RBM39: variants seen among roughly 807,000 people sequenced by gnomAD.
The protein encoded by RBM39 is RNA binding motif protein 39.
A neutral mutation model predicts 79.6 loss-of-function variants in RBM39; 12 were observed. The ratio of observed to expected loss-of-function variants is 0.15; its 90% CI spans 0.10 to 0.24. The LOEUF is 0.24. Ranked by LOEUF, RBM39 falls within the 10% of genes least tolerant of loss-of-function variation. RBM39 has a pLI of 1.00. For synonymous variants in RBM39, 185 were observed against 208.4 expected, an observed-to-expected ratio of 0.89 and a Z score of 0.97; for missense variants, 243 against 653.4, an observed-to-expected ratio of 0.37 and a Z score of 6.85.
chr20:35,737,722 G>A (rs111682435), intron 3 of RBM39, among the ~76,000 whole-genome samples: 10,595 of 149,728 alleles, frequency 0.071, 482 homozygotes, highest in South Asian at 0.18. Flanking sequence ...GGTGGCAGGC[G>A]CCTGTAGTCC....
At position 35,721,616 on chromosome 20, in the gene RBM39, A is replaced by C; in HGVS notation, c.825+124T>G. On this transcript the variant is annotated intron_variant, in intron 9 of 16. Transcript: ENST00000253363. ...TCTATGTTGTCACAGAAATTTTTAT[A>C]AAACCAGCCCTTATCCTCTTAATAT... 3 of 1,142,016 alleles carry C rather than the reference A, an allele frequency of 2.6e-6. No individual in the cohort carries two copies. The South Asian group carries it at 5.2e-5, about 20-fold the overall frequency. 70.7% of individuals were successfully genotyped at this position (1,142,016 alleles called of 1,614,324 possible). A position where few individuals can be genotyped will look rare whatever the true frequency, so the allele number is the denominator to read the frequency against.
Position 35,704,318 on chromosome 20 carries a change from A to G in RBM39, c.*163T>C. The stretch of plus-strand genomic sequence containing the variant: ...GATTTACTATTTAGGGAGAATGAGC[A>G]CACTGCATTCCTGTTAACATTTTTA... On this transcript the variant is annotated 3_prime_UTR_variant, in exon 17 of 17. Coordinates refer to ENST00000253363, the MANE Select transcript of RBM39 (RefSeq NM_184234.3). The G allele has an allele frequency of 1.8e-6, 1 of 547,916 alleles. No individual in the cohort carries two copies. Among genetic ancestry groups the G allele is most frequent in the East Asian group, 3.1e-5 (1 of 32,278 alleles). 33.9% of individuals were successfully genotyped at this position (547,916 alleles called of 1,614,324 possible). A position where few individuals can be genotyped will look rare whatever the true frequency, so the allele number is the denominator to read the frequency against.
In RBM39 at chr20:35,707,162, G is replaced by T; in HGVS notation, c.1265C>A (p.Ala422Glu). The T allele has an allele frequency of 6.2e-7, 1 of 1,608,230 alleles. No homozygotes were observed. Among genetic ancestry groups the T allele is most frequent in the Admixed American group, 1.7e-5 (1 of 59,614 alleles). Residue 422 changes from alanine to glutamate, a missense_variant, in exon 14 of 17, where the codon GCA becomes GAA. Ala to Glu is a moderately radical substitution (Grantham distance 107, BLOSUM62 -1). Around this residue, in one of 4 missense-constraint regions of RBM39, gnomAD observed 19 missense variants for 16.1 expected, o/e 1.18. Transcript: ENST00000253363. ...GTTAGAGAGTTGGAAACATTGTGTT[G>T]CAAGTGGCTGAACAGAGGCAGCTGC... The part of the protein sequence containing the change: ...LAAAASVQPL[A>E]TQCFQLSNMF...
At chr20:35,715,374 C>T (rs528038744) in intron 10 of RBM39, among the ~76,000 whole-genome samples, 71 of 152,222 alleles carry the variant, frequency 4.7e-4, no homozygotes, top group African/African-American at 1.6e-3. Context: ...CAAGGTTGCA[C>T]CATGTTGGCC....
At chr20:35,727,611 G>T (rs1569047089) in intron 6 of RBM39, among the ~76,000 whole-genome samples, 1 of 151,458 alleles carries the variant, frequency 6.6e-6, no homozygotes. Context: ...AAGTAGCTGG[G>T]ACTACAGGTG....
At chr20:35,741,312 G>A (rs1163128710) in intron 1 of RBM39, 1 of 154,266 alleles carries the variant, frequency 6.5e-6, no homozygotes, top group African/African-American at 2.4e-5. Context: ...GGGATTACAG[G>A]CGTGAGCCAC....
Position 35,740,890 on chromosome 20 carries a change from AG to A in RBM39, c.-13-4del. 6.2e-7 allele frequency: 1 copy of A among 1,603,546 alleles called. No individual in the cohort carries two copies. Among genetic ancestry groups the A allele is most frequent in the East Asian group, 2.2e-5 (1 of 44,784 alleles). On this transcript the variant is annotated splice_region_variant and splice_polypyrimidine_tract_variant and intron_variant, in intron 1 of 16. Coordinates refer to ENST00000253363, the MANE Select transcript of RBM39 (RefSeq NM_184234.3). ...CGTCTGCCATTTTCTCTAAACGCCT[AG>A]GAAGAGAACAAGACAATTTCTTGAG...
At position 35,702,103 on chromosome 20, in the gene RBM39, A is replaced by T. The variant is rs2035310748; in HGVS notation, c.*2378T>A. On this transcript the variant is annotated 3_prime_UTR_variant, in exon 17 of 17. Transcript: ENST00000253363. ...AGCTTCTGTAATGAGGCAGTTGTCC[A>T]TCTCACCTGCCCAGGCCACGCAGAC... The T allele has an allele frequency of 6.6e-6, 1 of 152,160 alleles. No homozygotes were observed. Among genetic ancestry groups the T allele is most frequent in the African/African-American group, 2.4e-5 (1 of 41,432 alleles). The allele number at this position is 152,160 out of a possible 1,614,324, so 9.4% of individuals were successfully genotyped here.
At chr20:35,708,661 G>A (rs1333342543) in intron 13 of RBM39, 1 of 152,260 alleles carries the variant, frequency 6.6e-6, no homozygotes, top group Non-Finnish European at 1.5e-5. Flanking sequence ...TCAAGCAACA[G>A]AGATTTAGTG....
chr20:35,729,565 T>C (rs2039140461), intron 4 of RBM39, 38 bp from the exon 5 acceptor site: 5 of 1,585,672 alleles, frequency 3.2e-6, no homozygotes, highest in East Asian at 2.2e-5. Flanking sequence ...GTTACAGGTT[T>C]AGGGTCTTGC....
intron 3 of RBM39, chr20:35,734,138 G>C: frequency 9.0e-7 from 1 of 1,113,500 alleles, no homozygotes; most frequent in Non-Finnish European, 1.2e-6. Context: ...GAACCTGTAA[G>C]CAGGTCATCT....
intron 3 of RBM39, among the ~76,000 whole-genome samples, chr20:35,736,942 C>T (rs531225721): frequency 2.0e-5 from 3 of 151,432 alleles, no homozygotes; most frequent in Non-Finnish European, 3.0e-5. Context: ...TGAGCCACCA[C>T]GCCAAGCCCA....
At chr20:35,733,553 G>A (rs375697527) in intron 3 of RBM39, among the ~76,000 whole-genome samples, 1 of 151,650 alleles carries the variant, frequency 6.6e-6, no homozygotes, top group Admixed American at 6.6e-5. Flanking sequence ...AGGTTGGAGT[G>A]AGCCGAAATC....
At chr20:35,712,711 AT>A (rs1201213395) in intron 12 of RBM39, among the ~76,000 whole-genome samples, 1 of 152,056 alleles carries the variant, frequency 6.6e-6, no homozygotes. Flanking sequence ...TATTATAAAT[AT>A]TTTTTCGATC....
At chr20:35,736,812 C>A (rs532497940) in intron 3 of RBM39, among the ~76,000 whole-genome samples, 1 of 151,944 alleles carries the variant, frequency 6.6e-6, no homozygotes, top group East Asian at 2.0e-4. Context: ...ACCACCACGC[C>A]CAGCTAATTT....
chr20:35,722,709 G>A (rs1263555180), intron 8 of RBM39, among the ~76,000 whole-genome samples: 1 of 151,400 alleles, frequency 6.6e-6, no homozygotes, highest in Non-Finnish European at 1.5e-5. Context: ...CGAGGCGGAC[G>A]GATCACGAGG....
chr20:35,708,416 C>T (rs151067700), intron 13 of RBM39, among the ~76,000 whole-genome samples: 122 of 152,068 alleles, frequency 8.0e-4, no homozygotes, highest in Non-Finnish European at 1.5e-3. Flanking sequence ...ATTAAGAAAA[C>T]GTACTATACA....
At chr20:35,709,875 C>T (rs753464215) in intron 12 of RBM39, among the ~76,000 whole-genome samples, 16 of 152,066 alleles carry the variant, frequency 1.1e-4, no homozygotes, top group Non-Finnish European at 1.9e-4. Context: ...TTATTGATTT[C>T]CTGGCCTAGT....
intron 14 of RBM39, 131 bp from the exon 15 acceptor site, chr20:35,705,461 C>T (rs183613844): frequency 5.4e-4 from 316 of 587,656 alleles, no homozygotes; most frequent in African/African-American, 5.3e-3. Context: ...ATTGACAGAA[C>T]GTCTCTGCCC....
Sources: allele counts gnomAD v4.1 joint callset (sites outside exome capture counted in the v4.1 genomes callset), GRCh38; gene constraint gnomAD v4.1.1; regional missense constraint gnomAD v4.1.1; transcripts MANE v1.5; gene names NCBI Gene and HGNC (gene_info 2026-07-23, HGNC 2026-07-21).